TMEM14A: variants seen among roughly 807,000 people sequenced by gnomAD.
The protein encoded by TMEM14A is transmembrane protein 14A.
A neutral mutation model predicts 11.6 loss-of-function variants in TMEM14A; 8 were observed. The ratio of observed to expected loss-of-function variants is 0.69; its 90% CI spans 0.40 to 1.24. The LOEUF is 1.24. TMEM14A is among the 50% of genes most tolerant of loss of function. TMEM14A has a pLI of 0.01. For synonymous variants in TMEM14A, 34 were observed against 45.5 expected (o/e 0.75, Z 1.02); for missense variants, 108 against 121.9 (o/e 0.89, Z 0.54).
At position 52,684,217 on chromosome 6, in the gene TMEM14A, C is replaced by T. The variant is rs760468301; in HGVS notation, c.260+52C>T. The T allele has an allele frequency of 2.6e-6, 4 of 1,519,526 alleles. No individual in the cohort carries two copies. The East Asian group carries it at 6.8e-5, about 26-fold the overall frequency. The allele number at this position is 1,519,526 out of a possible 1,614,324, so 94.1% of individuals were successfully genotyped here. A position where few individuals can be genotyped will look rare whatever the true frequency, so the allele number is the denominator to read the frequency against. On this transcript the variant is annotated intron_variant, in intron 4 of 4. Transcript: ENST00000211314. Reference sequence around the variant, plus strand: ...TTTCCTCTGCTGTTGTTTTGAAGTGCTGAATTTTTGGGAAACATCAATTTT... The same window carrying T: ...TTTCCTCTGCTGTTGTTTTGAAGTGTTGAATTTTTGGGAAACATCAATTTT...
chr6:52,678,981 C>T (rs1769313225), intron 2 of TMEM14A, among the ~76,000 whole-genome samples: 1 of 152,066 alleles, frequency 6.6e-6, no homozygotes, highest in Non-Finnish European at 1.5e-5. Flanking sequence ...GGTATGAGTC[C>T]TATGTAGCTG....
Position 52,686,078 on chromosome 6 carries a change from A to T in TMEM14A, c.*29A>T. ...TCTGGAGGAACAGAAAACTAAGTTC[A>T]TGTCATCCTGCTGTAATGGGCAGAG... On this transcript the variant is annotated 3_prime_UTR_variant, in exon 5 of 5. Transcript: ENST00000211314. 1 of 1,603,884 alleles carries T rather than the reference A, an allele frequency of 6.2e-7. No individual in the cohort carries two copies. Among genetic ancestry groups the T allele is most frequent in the Non-Finnish European group, 8.5e-7 (1 of 1,174,826 alleles).
In TMEM14A at chr6:52,686,107, A is replaced by AT. The variant is rs998167956; in HGVS notation, c.*66dup. The AT allele has an allele frequency of 7.6e-5, 113 of 1,494,348 alleles. No homozygotes were observed. The highest frequency in any genetic ancestry group is 1.8e-4 in the Middle Eastern group (1 of 5,666). The allele number at this position is 1,494,348 out of a possible 1,614,324, so 92.6% of individuals were successfully genotyped here. ...CATCCTGCTGTAATGGGCAGAGCAT[A>AT]TTTTTTTTGTATTTAAAAGATAAAC... is the stretch of plus-strand genomic sequence containing the variant. On this transcript the variant is annotated 3_prime_UTR_variant, in exon 5 of 5. Transcript: ENST00000211314.
At chr6:52,682,206 G>A (rs1769403649) in intron 3 of TMEM14A, among the ~76,000 whole-genome samples, 1 of 152,190 alleles carries the variant, frequency 6.6e-6, no homozygotes, top group Non-Finnish European at 1.5e-5. Flanking sequence ...TCTCCTAAAT[G>A]CATATTTAGC....
intron 4 of TMEM14A, 46 bp downstream of exon 4, chr6:52,684,211 G>A: frequency 1.3e-6 from 2 of 1,545,162 alleles, no homozygotes; most frequent in Non-Finnish European, 1.8e-6. Context: ...CTGTTGTTTT[G>A]AAGTGCTGAA....
chr6:52,671,840 G>C (rs1370058605), intron 1 of TMEM14A, among the ~76,000 whole-genome samples: 1 of 152,222 alleles, frequency 6.6e-6, no homozygotes, highest in Non-Finnish European at 1.5e-5. Context: ...TGTGATGAGA[G>C]CGTGTGATGT....
intron 3 of TMEM14A, among the ~76,000 whole-genome samples, chr6:52,682,592 TGG>T (rs11346807): frequency 2.3e-5 from 2 of 87,516 alleles, no homozygotes; most frequent in African/African-American, 1.0e-4. Context: ...GTGAGAGATT[TGG>T]GGTTTTTTTT....
intron 2 of TMEM14A, 123 bp from the exon 3 acceptor site, chr6:52,681,690 G>A: frequency 1.3e-6 from 1 of 779,740 alleles, no homozygotes; most frequent in South Asian, 1.8e-5. Flanking sequence ...ATTTGGCTTT[G>A]TCCAGTTACT....
intron 1 of TMEM14A, among the ~76,000 whole-genome samples, chr6:52,675,680 T>A (rs1331620105): frequency 6.6e-6 from 1 of 152,230 alleles, no homozygotes; most frequent in South Asian, 2.1e-4. Flanking sequence ...TGCCATTGAT[T>A]AAGTGTGGAT....
chr6:52,681,027 ACCCTACCC>A (rs1769382763), intron 2 of TMEM14A, among the ~76,000 whole-genome samples: 1 of 151,802 alleles, frequency 6.6e-6, no homozygotes, highest in African/African-American at 2.4e-5. Flanking sequence ...AGATGCTTTG[ACCCTACCC>A]CCCAGGGATT....
chr6:52,672,587 A>G (rs1360957445), intron 1 of TMEM14A, among the ~76,000 whole-genome samples: 30 of 151,992 alleles, frequency 2.0e-4, no homozygotes, highest in Admixed American at 2.0e-3. Context: ...TCTCTGTCTC[A>G]GGGAATAGCA....
intron 3 of TMEM14A, among the ~76,000 whole-genome samples, chr6:52,682,593 G>T (rs62932261): frequency 5.9e-5 from 1 of 16,868 alleles, no homozygotes; most frequent in East Asian, 6.8e-3. Flanking sequence ...TGAGAGATTT[G>T]GGGTTTTTTT....
intron 2 of TMEM14A, among the ~76,000 whole-genome samples, chr6:52,680,589 ATATT>A (rs200054881): frequency 0.019 from 1,740 of 89,706 alleles, 67 homozygotes; most frequent in African/African-American, 0.064. Context: ...ATATATTTAT[ATATT>A]TATATATATA....
chr6:52,682,265 A>G (rs1769404723), intron 3 of TMEM14A, among the ~76,000 whole-genome samples: 1 of 152,252 alleles, frequency 6.6e-6, no homozygotes, highest in Admixed American at 6.5e-5. Context: ...ACAGCCTTGC[A>G]TTATTTCATT....
chr6:52,677,204 A>T, intron 2 of TMEM14A, 32 bp downstream of exon 2: 1 of 1,609,074 alleles, frequency 6.2e-7, no homozygotes, highest in East Asian at 2.2e-5. Context: ...ATGAAAGGGA[A>T]TTAGTGGGGG....
In TMEM14A at chr6:52,686,562, T is replaced by C. The variant is rs1160393114; in HGVS notation, c.*513T>C. On this transcript the variant is annotated 3_prime_UTR_variant, in exon 5 of 5. Coordinates refer to ENST00000211314, the MANE Select transcript of TMEM14A (RefSeq NM_014051.4). ...ATGTCCTAACTGAATGTATTCAGTA[T>C]TCAAATAAAAGACATTTTGGTTCAA... 1 of 371,972 alleles carries C rather than the reference T, an allele frequency of 2.7e-6. No homozygotes were observed. Among genetic ancestry groups the C allele is most frequent in the Non-Finnish European group, 4.8e-6 (1 of 207,404 alleles). 23.0% of individuals were successfully genotyped at this position (371,972 alleles called of 1,614,324 possible). A position where few individuals can be genotyped will look rare whatever the true frequency, so the allele number is the denominator to read the frequency against.
chr6:52,675,497 A>T (rs1029420908), intron 1 of TMEM14A, among the ~76,000 whole-genome samples: 1 of 152,224 alleles, frequency 6.6e-6, no homozygotes, highest in African/African-American at 2.4e-5. Context: ...CAGTGGCCAC[A>T]TCTCTAGCCT....
chr6:52,685,905 A>G (rs1216290727), intron 4 of TMEM14A, 105 bp from the exon 5 acceptor site: 36 of 1,037,846 alleles, frequency 3.5e-5, no homozygotes, highest in Non-Finnish European at 4.8e-5. Flanking sequence ...AGAGCCCCCA[A>G]GCCAAGGATT....
intron 1 of TMEM14A, among the ~76,000 whole-genome samples, chr6:52,673,695 A>G (rs1163984999): frequency 1.3e-5 from 2 of 152,112 alleles, no homozygotes; most frequent in Non-Finnish European, 2.9e-5. Flanking sequence ...TGCCTCCTAC[A>G]GCTGTGTTGT....
Sources: gnomAD v4.1 joint callset for allele counts (sites outside exome capture counted in the v4.1 genomes callset) on GRCh38, gnomAD v4.1.1 for gene constraint, MANE v1.5 for transcripts, NCBI Gene and HGNC (gene_info 2026-07-23, HGNC 2026-07-21) for gene names.